Variants in CDH3 observed in about 807,000 individuals in gnomAD.
The protein encoded by CDH3 is cadherin-3.
Under a neutral mutation model 82.0 loss-of-function variants are expected in CDH3, and 54 were observed. The ratio of observed to expected loss-of-function variants is 0.66; its 90% confidence interval spans 0.53 to 0.83. The LOEUF (loss-of-function observed/expected upper bound fraction) is 0.83, where lower values mean the gene tolerates loss of function less well. CDH3 is among the 40% of genes least tolerant of loss of function. The probability of loss-of-function intolerance (pLI) is 0.00; values close to 1 mark genes in which losing one functional copy is unlikely to be tolerated. For missense variants in CDH3, 1,054 were observed against 1,084.6 expected (o/e 0.97, Z 0.40); for synonymous variants, 446 against 437.9 (o/e 1.02, Z -0.23).
At chr16:68,665,875 C>T (rs1344079418) in intron 2 of CDH3, among the ~76,000 whole-genome samples, 3 of 152,176 alleles carry the variant, frequency 2.0e-5, no homozygotes, top group Non-Finnish European at 4.4e-5. Context: ...CCACCCTCAA[C>T]GACATGGGGT....
intron 12 of CDH3, among the ~76,000 whole-genome samples, chr16:68,688,658 ACT>A (rs1961483074): frequency 6.6e-6 from 1 of 151,668 alleles, no homozygotes; most frequent in Non-Finnish European, 1.5e-5. Context: ...ACGGAGTCTC[ACT>A]CTGTCTCCCA....
At chr16:68,663,377 C>A (rs1200531015) in intron 2 of CDH3, among the ~76,000 whole-genome samples, 1 of 151,822 alleles carries the variant, frequency 6.6e-6, no homozygotes, top group Non-Finnish European at 1.5e-5. Context: ...ACTACAGATG[C>A]CCGCCATGAT....
intron 2 of CDH3, among the ~76,000 whole-genome samples, chr16:68,653,250 T>C (rs533212985): frequency 6.6e-6 from 1 of 150,702 alleles, no homozygotes; most frequent in East Asian, 1.9e-4. Flanking sequence ...TATTTTATTT[T>C]ATTTTTGAGA....
At chr16:68,686,570 G>T (rs558798457) in intron 11 of CDH3, 1 of 1,236,818 alleles carries the variant, frequency 8.1e-7, no homozygotes, top group South Asian at 1.2e-5. Flanking sequence ...ACCAGTTAGC[G>T]TGAAAGTTGG....
At position 68,680,950 on chromosome 16, in the gene CDH3, C is replaced by T; in HGVS notation, c.868-18C>T. On this transcript the variant is annotated intron_variant, in intron 7 of 15. Transcript: ENST00000264012. ...CAGATTAAACTCACAATGGGCTTCC[C>T]CTCTCCTTTCTCCCCAGAAAGTCCC... 2 of 1,613,908 alleles carry T rather than the reference C, an allele frequency of 1.2e-6. No individual in the cohort carries two copies. The highest frequency in any genetic ancestry group is 1.7e-6 in the Non-Finnish European group (2 of 1,179,906).
chr16:68,657,876 T>C (rs2152092278), intron 2 of CDH3, among the ~76,000 whole-genome samples: 1 of 152,250 alleles, frequency 6.6e-6, no homozygotes, highest in African/African-American at 2.4e-5. Flanking sequence ...ACCTGTGTTG[T>C]ACGCTAGGAG....
At chr16:68,685,088 A>G (rs1196817717) in intron 10 of CDH3, 117 bp from the exon 11 acceptor site, 14 of 1,295,252 alleles carry the variant, frequency 1.1e-5, no homozygotes, top group Non-Finnish European at 1.5e-5. Context: ...TGCATTTTCC[A>G]TATGATCCTG....
At chr16:68,720,043 G>C (rs1962143799) in intron 1 of CDH3, among the ~76,000 whole-genome samples, 1 of 151,992 alleles carries the variant, frequency 6.6e-6, no homozygotes, top group South Asian at 2.1e-4. Flanking sequence ...TGTGGTCCCA[G>C]CTACTTGGGA....
In CDH3 at chr16:68,695,246, C is replaced by A; in HGVS notation, c.2003-9C>A. 6.2e-7 allele frequency: 1 copy of A among 1,614,122 alleles called. No homozygotes were observed. The highest frequency in any genetic ancestry group is 8.5e-7 in the Non-Finnish European group (1 of 1,180,010). On this transcript the variant is annotated splice_polypyrimidine_tract_variant and intron_variant, in intron 13 of 15. Coordinates refer to ENST00000264012, the MANE Select transcript of CDH3 (RefSeq NM_001793.6). ...CAGAGGGAGCACTCACACTCCCCAA[C>A]CCTTGCAGTCCTCCTGCTGGTGCTG... is the stretch of plus-strand genomic sequence containing the variant.
chr16:68,661,530 C>T (rs1302012097), intron 2 of CDH3, among the ~76,000 whole-genome samples: 1 of 152,176 alleles, frequency 6.6e-6, no homozygotes, highest in African/African-American at 2.4e-5. Context: ...TTTCTTTAGA[C>T]TAGATTTCTG....
chr16:68,708,884 C>T (rs1291029656), intron 1 of CDH3, among the ~76,000 whole-genome samples: 2 of 152,154 alleles, frequency 1.3e-5, no homozygotes, highest in African/African-American at 4.8e-5. Context: ...CTCAGGTGAT[C>T]CACCCACCTC....
At chr16:68,650,336 C>A (rs1158246000) in intron 2 of CDH3, among the ~76,000 whole-genome samples, 1 of 152,062 alleles carries the variant, frequency 6.6e-6, no homozygotes, top group Non-Finnish European at 1.5e-5. Context: ...CGGAGTTTTG[C>A]TCTTGTTGCC....
chr16:68,726,579 GTTT>G (rs60673311), intron 2 of CDH3, among the ~76,000 whole-genome samples: 3 of 132,180 alleles, frequency 2.3e-5, no homozygotes, highest in Admixed American at 7.7e-5. Context: ...TTTTTTGGTT[GTTT>G]TTTTTTTTTT....
At chr16:68,730,521 G>T (rs1962272395), downstream of CDH3, among the ~76,000 whole-genome samples, 1 of 152,118 alleles carries the variant, frequency 6.6e-6, no homozygotes, top group Admixed American at 6.5e-5. Context: ...GTGAAACTCT[G>T]TCTCAAAAAC....
chr16:68,719,202 C>T (rs1962130835), intron 1 of CDH3, among the ~76,000 whole-genome samples: 1 of 149,238 alleles, frequency 6.7e-6, no homozygotes, highest in South Asian at 2.1e-4. Flanking sequence ...GAGATTGTGC[C>T]ATTGCACTCC....
intron 9 of CDH3, 150 bp from the exon 10 acceptor site, chr16:68,684,433 G>C: frequency 1.1e-6 from 1 of 876,404 alleles, no homozygotes; most frequent in Admixed American, 1.7e-5. Flanking sequence ...AAACACGGGA[G>C]TGTTTATGTT....
intron 12 of CDH3, among the ~76,000 whole-genome samples, chr16:68,691,004 TTAC>T (rs1298886186): frequency 8.0e-6 from 1 of 124,878 alleles, no homozygotes; most frequent in African/African-American, 3.0e-5. Flanking sequence ...CTTTATTCCT[TTAC>T]TTTCTTTTTT....
At chr16:68,686,703 A>G in intron 11 of CDH3, 2 of 758,366 alleles carry the variant, frequency 2.6e-6, no homozygotes, top group South Asian at 2.7e-5. Flanking sequence ...TCACTATTGG[A>G]ATGGCATCAA....
intron 1 of CDH3, among the ~76,000 whole-genome samples, chr16:68,712,502 G>A (rs908667986): frequency 6.6e-6 from 1 of 152,050 alleles, no homozygotes; most frequent in African/African-American, 2.4e-5. Context: ...GTAGTCTATG[G>A]GTACATTTTC....
Sources: allele counts gnomAD v4.1 joint callset (sites outside exome capture counted in the v4.1 genomes callset), GRCh38; gene constraint gnomAD v4.1.1; transcripts MANE v1.5; gene names NCBI Gene and HGNC (gene_info 2026-07-23, HGNC 2026-07-21).